The following GPC5 variants were observed in gnomAD, a reference collection of about 807,000 sequenced individuals.
GPC5 encodes the protein glypican 5, also known as glypican-5.
Under a neutral mutation model 53.9 loss-of-function variants are expected in GPC5, and 47 were observed. The observed-to-expected ratio is 0.87, with a 90% CI of 0.69 to 1.11. The LOEUF is 1.11. Ranked by LOEUF, GPC5 falls within the 50% of genes most tolerant of loss-of-function variation. GPC5 has a pLI of 0.00. For missense variants in GPC5, 748 were observed against 713.1 expected, an observed-to-expected ratio of 1.05 and a Z score of -0.56; for synonymous variants, 286 against 263.3, an observed-to-expected ratio of 1.09 and a Z score of -0.84.
At chr13:92,019,620 G>T (rs1237087220) in intron 6 of GPC5, among the ~76,000 whole-genome samples, 2 of 152,036 alleles carry the variant, frequency 1.3e-5, no homozygotes, top group Non-Finnish European at 2.9e-5. Context: ...ACTTTCCAGT[G>T]TTAAAATGGA....
chr13:92,265,436 T>A (rs1688318981), intron 7 of GPC5, among the ~76,000 whole-genome samples: 1 of 152,146 alleles, frequency 6.6e-6, no homozygotes, highest in African/African-American at 2.4e-5. Flanking sequence ...ATTTGCCACT[T>A]TGTAACAAAA....
At position 91,659,492 on chromosome 13, in the gene GPC5, A is replaced by G. The variant is rs1394652499; in HGVS notation, c.326-33695A>G. ...AGCACAGCTCTGCTTACATGTCCCT[A>G]AGCCAAAGACCAAAATGTGCCTATG... On this transcript the variant is annotated intron_variant, in intron 2 of 7. Coordinates refer to ENST00000377067, the MANE Select transcript of GPC5 (RefSeq NM_004466.6). 3.3e-5 allele frequency among the ~76,000 whole-genome samples: 5 copies of G among 152,180 alleles called. No homozygotes were observed. In the East Asian group the frequency reaches 7.7e-4, roughly 23 times the overall value.
chr13:92,155,938 A>T (rs1196151874), intron 7 of GPC5, among the ~76,000 whole-genome samples: 1 of 152,204 alleles, frequency 6.6e-6, no homozygotes, highest in Non-Finnish European at 1.5e-5. Context: ...CAGAATATGC[A>T]ATATTTATGG....
At chr13:91,770,977 T>C (rs1251477970) in intron 5 of GPC5, among the ~76,000 whole-genome samples, 1 of 152,174 alleles carries the variant, frequency 6.6e-6, no homozygotes, top group Non-Finnish European at 1.5e-5. Flanking sequence ...GTTTGTGTTA[T>C]CTGGAAAATA....
chr13:92,288,954 C>G (rs1260143968), intron 7 of GPC5, among the ~76,000 whole-genome samples: 8 of 152,082 alleles, frequency 5.3e-5, no homozygotes, highest in Non-Finnish European at 1.5e-5. Flanking sequence ...TGAACCATTA[C>G]TACCAACTTT....
chr13:92,055,480 A>G (rs1173459323), intron 6 of GPC5, among the ~76,000 whole-genome samples: 2 of 152,214 alleles, frequency 1.3e-5, no homozygotes, highest in East Asian at 1.9e-4. Context: ...TGTGTGAACC[A>G]TGTTTTGCTT....
At chr13:92,583,955 C>G (rs1030291604) in intron 7 of GPC5, among the ~76,000 whole-genome samples, 1 of 152,136 alleles carries the variant, frequency 6.6e-6, no homozygotes, top group African/African-American at 2.4e-5. Context: ...GTGACTTGCT[C>G]CTCCTTGCCT....
intron 6 of GPC5, among the ~76,000 whole-genome samples, chr13:92,065,271 T>C (rs937279994): frequency 6.6e-6 from 1 of 152,094 alleles, no homozygotes; most frequent in Non-Finnish European, 1.5e-5. Context: ...CTACAACAAA[T>C]TTACCCCAAT....
chr13:92,660,048 G>T (rs1447104286), intron 7 of GPC5, among the ~76,000 whole-genome samples: 1 of 152,110 alleles, frequency 6.6e-6, no homozygotes, highest in Non-Finnish European at 1.5e-5. Context: ...TTCCATTGAA[G>T]GAATACTAAC....
intron 7 of GPC5, among the ~76,000 whole-genome samples, chr13:92,811,419 G>C (rs1298775567): frequency 6.6e-6 from 1 of 151,544 alleles, no homozygotes; most frequent in Non-Finnish European, 1.5e-5. Context: ...TTAACCATTT[G>C]TATTTTTTTG....
rs567715592 is a variant in GPC5, at chr13:92,579,338, T to C, written c.1562-286944T>C. ...CCCTCCCTCCCTCTCTCTCTCTCTC[T>C]CTGCTTCATTACCCTTCCCAACTGA... On this transcript the variant is annotated intron_variant, in intron 7 of 7. Coordinates refer to ENST00000377067, the MANE Select transcript of GPC5 (RefSeq NM_004466.6). Among the ~76,000 whole-genome samples, 14 of 132,220 alleles carry C rather than the reference T, an allele frequency of 1.1e-4. No homozygotes were observed. In the South Asian group the frequency reaches 4.0e-3, roughly 38 times the overall value. 86.7% of individuals were successfully genotyped at this position (132,220 alleles called of 152,430 possible). A position where few individuals can be genotyped will look rare whatever the true frequency, so the allele number is the denominator to read the frequency against.
chr13:92,676,954 T>G (rs1424432353), intron 7 of GPC5, among the ~76,000 whole-genome samples: 1 of 152,064 alleles, frequency 6.6e-6, no homozygotes, highest in Non-Finnish European at 1.5e-5. Context: ...TTGGCCAATA[T>G]TTTGATATAA....
chr13:92,843,316 G>T (rs998785833), intron 7 of GPC5, among the ~76,000 whole-genome samples: 12 of 152,016 alleles, frequency 7.9e-5, no homozygotes, highest in Non-Finnish European at 1.6e-4. Flanking sequence ...CTAAATTTTT[G>T]AGTCTAATTC....
At chr13:91,495,495 C>G (rs1884202616) in intron 2 of GPC5, among the ~76,000 whole-genome samples, 1 of 152,208 alleles carries the variant, frequency 6.6e-6, no homozygotes, top group South Asian at 2.1e-4. Flanking sequence ...TCATCCATAA[C>G]TCCTCTTCAC....
At chr13:92,223,856 T>G (rs917233486) in intron 7 of GPC5, among the ~76,000 whole-genome samples, 1 of 152,180 alleles carries the variant, frequency 6.6e-6, no homozygotes, top group African/African-American at 2.4e-5. Context: ...GGGCATTTCA[T>G]TTTCAGCTTG....
chr13:91,541,451 G>A (rs1303794684), intron 2 of GPC5, among the ~76,000 whole-genome samples: 1 of 152,128 alleles, frequency 6.6e-6, no homozygotes, highest in South Asian at 2.1e-4. Context: ...TAGGTTTCAT[G>A]TGAGGGCAAT....
intron 4 of GPC5, among the ~76,000 whole-genome samples, chr13:91,739,309 C>A (rs1274800082): frequency 6.6e-6 from 1 of 151,344 alleles, no homozygotes; most frequent in Non-Finnish European, 1.5e-5. Context: ...CTCCTGGCTG[C>A]TGTGTTCCAA....
At chr13:92,765,764 A>G (rs1274044749) in intron 7 of GPC5, among the ~76,000 whole-genome samples, 1 of 152,196 alleles carries the variant, frequency 6.6e-6, no homozygotes, top group African/African-American at 2.4e-5. Context: ...ACATTTGAAA[A>G]GCACTGTACT....
chr13:92,064,268 A>G (rs2041147212), intron 6 of GPC5, among the ~76,000 whole-genome samples: 1 of 152,150 alleles, frequency 6.6e-6, no homozygotes. Context: ...ATCATTTCTC[A>G]CTCTAAATAG....
Sources: gnomAD v4.1 joint callset for allele counts (sites outside exome capture counted in the v4.1 genomes callset) on GRCh38, gnomAD v4.1.1 for gene constraint, MANE v1.5 for transcripts, NCBI Gene and HGNC (gene_info 2026-07-23, HGNC 2026-07-21) for gene names.